Variants in CEP63 observed in about 807,000 individuals in gnomAD.
The protein encoded by CEP63 is centrosomal protein 63, also known as centrosomal protein of 63 kDa.
In CEP63, 84 loss-of-function variants were observed where a neutral mutation model predicts 89.1. The ratio of observed to expected loss-of-function variants is 0.94; its 90% CI spans 0.79 to 1.13. The LOEUF (loss-of-function observed/expected upper bound fraction) is 1.13, where lower values mean the gene tolerates loss of function less well. Among genes scored for constraint, CEP63 ranks in the 50% most tolerant of loss-of-function variants. CEP63 has a pLI of 0.00. For missense variants in CEP63, 838 were observed against 813.3 expected, an observed-to-expected ratio of 1.03 and a Z score of -0.37; for synonymous variants, 267 against 272.5, an observed-to-expected ratio of 0.98 and a Z score of 0.20.
chr3:134,564,349 A>G lies in CEP63; in HGVS notation c.*2814A>G, dbSNP rs1957608107. ...CCCACACCCTGTCATGTGCTCCTAA[A>G]ACTCCCCCTTTACTTGGCTACTTTA... On this transcript the variant is annotated 3_prime_UTR_variant, in exon 15 of 15. Transcript: ENST00000675561. The G allele has an allele frequency of 3.0e-6, 3 of 985,162 alleles. No individual in the cohort carries two copies. In the East Asian group the frequency reaches 3.4e-4, roughly 112 times the overall value. The allele number at this position is 985,162 out of a possible 1,614,324, so 61.0% of individuals were successfully genotyped here.
At chr3:134,611,397 G>T in the CEP63 span, among the ~76,000 whole-genome samples, 1 of 152,308 alleles carries the variant, frequency 6.6e-6, no homozygotes, top group Non-Finnish European at 1.5e-5. Flanking sequence ...ATGGCCAGCT[G>T]GTCTTGCTCC....
the CEP63 span, among the ~76,000 whole-genome samples, chr3:134,719,419 T>C: frequency 6.6e-6 from 1 of 152,192 alleles, no homozygotes; most frequent in Non-Finnish European, 1.5e-5. Context: ...TCCTAGGATA[T>C]AGATTATTTT....
the CEP63 span, among the ~76,000 whole-genome samples, chr3:134,759,319 C>G: frequency 6.6e-6 from 1 of 152,162 alleles, no homozygotes; most frequent in Admixed American, 6.5e-5. Flanking sequence ...GGAATCAGGG[C>G]CTTCATTTGC....
the CEP63 span, among the ~76,000 whole-genome samples, chr3:134,725,127 GAAATTTTTTTAAAA>G: frequency 6.6e-6 from 1 of 152,208 alleles, no homozygotes; most frequent in East Asian, 1.9e-4. Flanking sequence ...GTCAGGCAAT[GAAATTTTTTTAAAA>G]TATATAATTT....
intron 1 of CEP63, among the ~76,000 whole-genome samples, chr3:134,489,971 G>A (rs998465115): frequency 2.0e-5 from 3 of 152,082 alleles, no homozygotes; most frequent in African/African-American, 7.2e-5. Flanking sequence ...CATTTGATAT[G>A]ACCAATAGCT....
In CEP63 at chr3:134,507,270, A is replaced by G; in HGVS notation, c.206A>G (p.Asp69Gly). Residue 69 changes from aspartate (D) to glycine (G), a missense_variant, in exon 3 of 15, where the codon GAT becomes GGT. Physicochemically the swap from Asp to Gly is moderately conservative, Grantham distance 94. Transcript: ENST00000675561. ...CTTAAGAGTCTTAGGAGTCAGTTGG[A>G]TGTGACACATAAGGAGGTAAAGCAA... ...QELKSLRSQL[D>G]VTHKEVGMLH... is the part of the protein sequence containing the mutation. 6.2e-7 allele frequency: 1 copy of G among 1,613,228 alleles called. No homozygotes were observed. Among genetic ancestry groups the G allele is most frequent in the Non-Finnish European group, 8.5e-7 (1 of 1,179,402 alleles).
At chr3:134,603,396 T>A in the CEP63 span, 1 of 567,788 alleles carries the variant, frequency 1.8e-6, no homozygotes, top group Non-Finnish European at 3.1e-6. Flanking sequence ...CAGCCACACC[T>A]GAGTGAAGCC....
chr3:134,637,114 C>G, the CEP63 span, among the ~76,000 whole-genome samples: 1 of 152,226 alleles, frequency 6.6e-6, no homozygotes, highest in Non-Finnish European at 1.5e-5. Context: ...CAAAGCATAG[C>G]TTTGAAGGGG....
At chr3:134,504,302 G>T (rs1156364294) in intron 2 of CEP63, among the ~76,000 whole-genome samples, 1 of 151,968 alleles carries the variant, frequency 6.6e-6, no homozygotes, top group Non-Finnish European at 1.5e-5. Context: ...CTCAGTTTTT[G>T]CTTGTCTGGG....
At chr3:134,516,648 A>T (rs573134517) in intron 3 of CEP63, among the ~76,000 whole-genome samples, 1 of 152,270 alleles carries the variant, frequency 6.6e-6, no homozygotes, top group East Asian at 1.9e-4. Flanking sequence ...GATGACTCTT[A>T]AGGAGCATGC....
the CEP63 span, among the ~76,000 whole-genome samples, chr3:134,600,582 C>A: frequency 1.3e-5 from 2 of 152,134 alleles, no homozygotes; most frequent in South Asian, 2.1e-4. Context: ...GTTGTAGTGC[C>A]TCTGCCCACC....
At chr3:134,733,865 G>A in the CEP63 span, among the ~76,000 whole-genome samples, 1 of 152,146 alleles carries the variant, frequency 6.6e-6, no homozygotes, top group Non-Finnish European at 1.5e-5. Context: ...TCTAGGAAAC[G>A]CATGTAGATG....
the CEP63 span, chr3:134,619,870 T>G: frequency 2.0e-5 from 3 of 152,802 alleles, no homozygotes; most frequent in African/African-American, 7.2e-5. Context: ...CCCTGCCCCT[T>G]TAAGGCACAG....
At chr3:134,559,910 A>G (rs1957038362) in intron 14 of CEP63, among the ~76,000 whole-genome samples, 1 of 152,210 alleles carries the variant, frequency 6.6e-6, no homozygotes, top group African/African-American at 2.4e-5. Flanking sequence ...CTTGGACACC[A>G]TGCCGGTCCC....
chr3:134,500,889 T>G (rs550689306), intron 2 of CEP63, among the ~76,000 whole-genome samples: 125 of 152,318 alleles, frequency 8.2e-4, no homozygotes, highest in Non-Finnish European at 1.4e-3. Context: ...AGGACATATC[T>G]TTTTGAGTCA....
At chr3:134,607,822 G>T in the CEP63 span, 1 of 988,026 alleles carries the variant, frequency 1.0e-6, no homozygotes, top group Non-Finnish European at 1.2e-6. Flanking sequence ...AGGGGAGTGG[G>T]CTGGAAACGG....
At chr3:134,717,376 C>T in the CEP63 span, among the ~76,000 whole-genome samples, 1 of 152,228 alleles carries the variant, frequency 6.6e-6, no homozygotes, top group Admixed American at 6.5e-5. Context: ...CACCCATCCA[C>T]ACGTGTGCAT....
chr3:134,510,610 G>A, intron 3 of CEP63: 1 of 658,990 alleles, frequency 1.5e-6, no homozygotes, highest in Non-Finnish European at 2.8e-6. Context: ...TGCAGGGGTG[G>A]GAAATTGGGA....
intron 11 of CEP63, 51 bp downstream of exon 11, chr3:134,550,311 G>A (rs1275692507): frequency 4.0e-6 from 6 of 1,513,942 alleles, no homozygotes; most frequent in Admixed American, 1.8e-5. Context: ...TTTAAAGATG[G>A]AGTTGATTAA....
Sources: gnomAD v4.1 joint callset for allele counts (sites outside exome capture counted in the v4.1 genomes callset) on GRCh38, gnomAD v4.1.1 for gene constraint, MANE v1.5 for transcripts, NCBI Gene and HGNC (gene_info 2026-07-23, HGNC 2026-07-21) for gene names.